ILDR1: variants seen among roughly 807,000 people sequenced by gnomAD.
The protein encoded by ILDR1 is immunoglobulin-like domain-containing receptor 1.
A neutral mutation model predicts 62.4 loss-of-function variants in ILDR1; 56 were observed. The ratio of observed to expected loss-of-function variants is 0.90; its 90% CI spans 0.72 to 1.12. The LOEUF is 1.12. ILDR1 is among the 50% of genes most tolerant of loss of function. ILDR1 has a pLI of 0.00. For synonymous variants in ILDR1, 284 were observed against 277.8 expected (o/e 1.02, Z -0.22); for missense variants, 736 against 710.6 (o/e 1.04, Z -0.41).
At chr3:122,041,414 C>A in the ILDR1 span, among the ~76,000 whole-genome samples, 1 of 152,160 alleles carries the variant, frequency 6.6e-6, no homozygotes, top group African/African-American at 2.4e-5. Context: ...CAGCAAGAAG[C>A]CCCTTGAAAG....
At chr3:122,004,594 T>C (rs568916870) in intron 3 of ILDR1, among the ~76,000 whole-genome samples, 1 of 152,196 alleles carries the variant, frequency 6.6e-6, no homozygotes, top group Non-Finnish European at 1.5e-5. Context: ...AGAGAATAGA[T>C]AGGCTTTAGA....
intron 5 of ILDR1, 110 bp downstream of exon 5, chr3:122,001,198 G>A: frequency 8.1e-7 from 1 of 1,238,206 alleles, no homozygotes; most frequent in East Asian, 2.4e-5. Context: ...GATGGGAGAA[G>A]GGCATGGAGG....
At chr3:122,044,678 C>T in the ILDR1 span, among the ~76,000 whole-genome samples, 1 of 150,968 alleles carries the variant, frequency 6.6e-6, no homozygotes, top group East Asian at 1.9e-4. Context: ...TTATCCATTT[C>T]TTCTAGATTT....
chr3:122,007,423 T>C, intron 1 of ILDR1: 2 of 553,470 alleles, frequency 3.6e-6, no homozygotes, highest in South Asian at 2.0e-5. Flanking sequence ...AGTGATGACA[T>C]ATCCAACAAC....
chr3:122,005,237 C>T lies in ILDR1; in HGVS notation c.379+7G>A. On this transcript the variant is annotated splice_region_variant and intron_variant, in intron 3 of 7. Transcript: ENST00000344209. ...CCCAGTTCCCCTGACACCTCCCCCGCACTCACGGTTCTGGATGGTGATCTT... is the reference window on the plus strand; with the variant it reads ...CCCAGTTCCCCTGACACCTCCCCCGTACTCACGGTTCTGGATGGTGATCTT... The T allele has an allele frequency of 6.2e-7, 1 of 1,600,546 alleles. No homozygotes were observed. Among genetic ancestry groups the T allele is most frequent in the Non-Finnish European group, 8.6e-7 (1 of 1,167,960 alleles).
At chr3:121,997,784 G>A (rs1300938746) in intron 5 of ILDR1, among the ~76,000 whole-genome samples, 2 of 152,192 alleles carry the variant, frequency 1.3e-5, no homozygotes, top group South Asian at 4.1e-4. Context: ...AGGGATGAAA[G>A]CCGTTTCTCC....
At chr3:122,029,727 T>C in the ILDR1 span, among the ~76,000 whole-genome samples, 1 of 152,068 alleles carries the variant, frequency 6.6e-6, no homozygotes, top group Non-Finnish European at 1.5e-5. Flanking sequence ...TTTTATGTAG[T>C]TTTATGTATC....
chr3:121,993,276 G>A lies in ILDR1; in HGVS notation c.1473C>T (p.Ser491=), dbSNP rs775302314. 3.7e-6 allele frequency: 6 copies of A among 1,613,646 alleles called. No individual in the cohort carries two copies. The Middle Eastern group carries it at 8.3e-4, about 222-fold the overall frequency. The change falls in exon 7 of 8, where the codon AGC becomes AGT. Residue 491 remains serine (S), a synonymous_variant. Transcript: ENST00000344209. ...GCGAGCCGCGGCGGTGGGCCCGCCA[G>A]CTCTGGGGCTGCCTCTCCTTGTCCT... The part of the protein sequence containing the change: ...SEEDKERQPQ[S]WRAHRRGSHS...
intron 7 of ILDR1, among the ~76,000 whole-genome samples, chr3:121,992,029 G>A (rs924746292): frequency 6.6e-6 from 1 of 152,232 alleles, no homozygotes; most frequent in Admixed American, 6.5e-5. Context: ...ATCTTCATGG[G>A]TAGCCTGTAA....
At chr3:122,039,224 C>T in the ILDR1 span, among the ~76,000 whole-genome samples, 1 of 151,914 alleles carries the variant, frequency 6.6e-6, no homozygotes. Flanking sequence ...AAATTAATAG[C>T]ATGCCTCCAA....
At chr3:122,036,513 C>T in the ILDR1 span, among the ~76,000 whole-genome samples, 779 of 149,300 alleles carry the variant, frequency 5.2e-3, 6 homozygotes, top group African/African-American at 0.018. Context: ...GGTGTCAACG[C>T]GGGAGGTGGA....
At chr3:121,989,036 C>A (rs191211064) in intron 7 of ILDR1, among the ~76,000 whole-genome samples, 153 of 152,226 alleles carry the variant, frequency 1.0e-3, no homozygotes, top group African/African-American at 3.4e-3. Context: ...GGTAGGGGAT[C>A]ATTTTATTTA....
the ILDR1 span, among the ~76,000 whole-genome samples, chr3:122,038,946 C>T: frequency 6.6e-6 from 1 of 151,472 alleles, no homozygotes; most frequent in African/African-American, 2.4e-5. Flanking sequence ...TGTTATCTAC[C>T]CTGTGTGTAA....
Position 122,006,489 on chromosome 3 carries a change from T to TG in ILDR1, c.229+501dup, listed in dbSNP as rs557264001. ...GACTTCCCACAGTTAAAGGGCTGCC[T>TG]GGGGGGGCACTGGAGGGCTTAGTCA... On this transcript the variant is annotated intron_variant, in intron 2 of 7. Coordinates refer to ENST00000344209, the MANE Select transcript of ILDR1 (RefSeq NM_001199799.2). Among the ~76,000 whole-genome samples, 446 of 152,096 alleles carry TG rather than the reference T, an allele frequency of 2.9e-3. 2 individuals carry two copies. The highest frequency in any genetic ancestry group is 8.7e-3 in the African/African-American group (361 of 41,472).
chr3:122,031,463 C>T, the ILDR1 span, among the ~76,000 whole-genome samples: 99 of 152,268 alleles, frequency 6.5e-4, 1 homozygote, highest in East Asian at 1.9e-4. Flanking sequence ...TGAGGCCTGC[C>T]ACAGATTACA....
the ILDR1 span, among the ~76,000 whole-genome samples, chr3:122,053,807 T>C: frequency 6.6e-6 from 1 of 152,176 alleles, no homozygotes; most frequent in African/African-American, 2.4e-5. Context: ...TACCAAGAAA[T>C]GGAAATTTGA....
chr3:122,045,013 G>T, the ILDR1 span, among the ~76,000 whole-genome samples: 6,748 of 151,158 alleles, frequency 0.045, 211 homozygotes, highest in South Asian at 0.1. Flanking sequence ...TGATGTTAGG[G>T]TGTCAATTTT....
chr3:122,051,417 C>A, the ILDR1 span, among the ~76,000 whole-genome samples: 13 of 151,970 alleles, frequency 8.6e-5, no homozygotes, highest in African/African-American at 3.1e-4. Flanking sequence ...TGTAGTTGAA[C>A]CCCTCTAGTG....
the ILDR1 span, among the ~76,000 whole-genome samples, chr3:122,047,420 C>T: frequency 2.6e-5 from 4 of 152,254 alleles, no homozygotes; most frequent in African/African-American, 9.6e-5. Flanking sequence ...AGGCAGGCCT[C>T]CTTGAGCTAT....
Sources: gnomAD v4.1 joint callset for allele counts (sites outside exome capture counted in the v4.1 genomes callset) on GRCh38, gnomAD v4.1.1 for gene constraint, MANE v1.5 for transcripts, NCBI Gene and HGNC (gene_info 2026-07-23, HGNC 2026-07-21) for gene names.